Variants in KREMEN1 observed in about 807,000 individuals in gnomAD.
KREMEN1 encodes the protein kremen protein 1.
Under a neutral mutation model 46.5 loss-of-function variants are expected in KREMEN1, and 30 were observed. The ratio of observed to expected loss-of-function variants is 0.65; its 90% CI spans 0.48 to 0.88. KREMEN1 has a LOEUF of 0.88. Among genes scored for constraint, KREMEN1 ranks in the 40% least tolerant of loss-of-function variants. The probability of loss-of-function intolerance (pLI) is 0.00; values close to 1 mark genes in which losing one functional copy is unlikely to be tolerated. For missense variants in KREMEN1, 533 were observed against 596.9 expected (o/e 0.89, Z 1.11); for synonymous variants, 214 against 230.6 (o/e 0.93, Z 0.65).
At position 29,161,271 on chromosome 22, in the gene KREMEN1, G is replaced by A. The variant is rs545320716; in HGVS notation, c.1417-5773G>A. ...GCCTGTGATCCCAGCACTTTGGGGG[G>A]CCAAGGTGGGCAGATCATGAGGTCA... On this transcript the variant is annotated intron_variant, in intron 9 of 9. Transcript: ENST00000327813. Among the ~76,000 whole-genome samples the A allele has an allele frequency of 2.5e-4, 38 of 152,184 alleles. 2 individuals carry two copies. In the South Asian group the frequency reaches 7.3e-3, roughly 29 times the overall value.
In KREMEN1 at chr22:29,142,877, C is replaced by T. The variant is rs1480908817; in HGVS notation, c.*765C>T. 2.7e-5 allele frequency: 27 copies of T among 984,962 alleles called. No homozygotes were observed. Among genetic ancestry groups the T allele is most frequent in the South Asian group, 4.7e-5 (1 of 21,290 alleles). 61.0% of individuals were successfully genotyped at this position (984,962 alleles called of 1,614,324 possible). A position where few individuals can be genotyped will look rare whatever the true frequency, so the allele number is the denominator to read the frequency against. On this transcript the variant is annotated 3_prime_UTR_variant, in exon 9 of 9. Transcript: ENST00000400335. ...TATAAAACATCCATTCAGCTGGGCG[C>T]GATGGCTCATGCCTGTAATCCCAGC...
chr22:29,146,310 C>T lies in KREMEN1; in HGVS notation c.*4198C>T. The T allele has an allele frequency of 2.0e-6, 2 of 985,924 alleles. No individual in the cohort carries two copies. Among genetic ancestry groups the T allele is most frequent in the Non-Finnish European group, 2.4e-6 (2 of 830,002 alleles). 61.1% of individuals were successfully genotyped at this position (985,924 alleles called of 1,614,324 possible). On this transcript the variant is annotated 3_prime_UTR_variant, in exon 9 of 9. Coordinates refer to ENST00000400335, the MANE Select transcript of KREMEN1 (RefSeq NM_001039570.3). The stretch of plus-strand genomic sequence containing the variant: ...AAGCCTTCCAGCCACAGCTGTCTCC[C>T]CTCAGGCTGGACGGCTCCGGGGTGA...
At chr22:29,117,593 A>G (rs986058862) in intron 3 of KREMEN1, among the ~76,000 whole-genome samples, 1 of 151,778 alleles carries the variant, frequency 6.6e-6, no homozygotes, top group Non-Finnish European at 1.5e-5. Context: ...GCTATCTAAG[A>G]GTCTATATGC....
At chr22:29,161,815 T>C (rs1471098282) in intron 9 of KREMEN1, among the ~76,000 whole-genome samples, 1 of 151,894 alleles carries the variant, frequency 6.6e-6, no homozygotes, top group Non-Finnish European at 1.5e-5. Context: ...GCAAACTGAA[T>C]TCAACAGCAC....
At chr22:29,157,585 G>C (rs1417749232) in intron 9 of KREMEN1, among the ~76,000 whole-genome samples, 1 of 152,134 alleles carries the variant, frequency 6.6e-6, no homozygotes, top group African/African-American at 2.4e-5. Flanking sequence ...TGATCCACCT[G>C]CCTCGGCCTC....
Position 29,144,949 on chromosome 22 carries a change from C to T in KREMEN1, c.*2837C>T, listed in dbSNP as rs1372411002. ...TGCCTCGCCCTGGCATGGCCCAGCG[C>T]CTCTAGGATCAACTTACGATCCGTG... On this transcript the variant is annotated 3_prime_UTR_variant, in exon 9 of 9. Coordinates refer to ENST00000400335, the MANE Select transcript of KREMEN1 (RefSeq NM_001039570.3). The T allele has an allele frequency of 2.0e-6, 2 of 985,424 alleles. No homozygotes were observed. Among genetic ancestry groups the T allele is most frequent in the African/African-American group, 3.5e-5 (2 of 57,254 alleles). The allele number at this position is 985,424 out of a possible 1,614,324, so 61.0% of individuals were successfully genotyped here.
chr22:29,108,015 G>C (rs1190612910), intron 3 of KREMEN1, among the ~76,000 whole-genome samples: 1 of 152,220 alleles, frequency 6.6e-6, no homozygotes, highest in Non-Finnish European at 1.5e-5. Context: ...GCTGGGTGTG[G>C]TGGCTCATGC....
intron 8 of KREMEN1, among the ~76,000 whole-genome samples, chr22:29,140,974 G>C (rs946710111): frequency 6.6e-6 from 1 of 152,032 alleles, no homozygotes. Context: ...ATTTTTCCTA[G>C]ACCCCTACTC....
rs947280800 is a variant in KREMEN1, at chr22:29,144,640, A to T, written c.*2528A>T. ...TAAGTGTCAGGTGTGTGTCGTCCCA[A>T]CGGGTCCTGTGCTGTGAATAGATCC... On this transcript the variant is annotated 3_prime_UTR_variant, in exon 9 of 9. Coordinates refer to ENST00000400335, the MANE Select transcript of KREMEN1 (RefSeq NM_001039570.3). The T allele has an allele frequency of 1.0e-6, 1 of 985,382 alleles. No homozygotes were observed. Among genetic ancestry groups the T allele is most frequent in the African/African-American group, 1.7e-5 (1 of 57,256 alleles). The allele number at this position is 985,382 out of a possible 1,614,324, so 61.0% of individuals were successfully genotyped here.
chr22:29,163,766 A>AG (rs2039031599), intron 9 of KREMEN1, among the ~76,000 whole-genome samples: 1 of 152,154 alleles, frequency 6.6e-6, no homozygotes, highest in Non-Finnish European at 1.5e-5. Flanking sequence ...GGGACTACTA[A>AG]GGGGGGAAGG....
At chr22:29,154,119 CAG>C (rs1032162238) in intron 9 of KREMEN1, among the ~76,000 whole-genome samples, 2 of 152,160 alleles carry the variant, frequency 1.3e-5, no homozygotes, top group African/African-American at 4.8e-5. Flanking sequence ...TCAGTAAACT[CAG>C]GGGACCACCA....
At chr22:29,109,204 A>G (rs1405973240) in intron 3 of KREMEN1, among the ~76,000 whole-genome samples, 3 of 152,240 alleles carry the variant, frequency 2.0e-5, no homozygotes, top group Non-Finnish European at 4.4e-5. Flanking sequence ...CCAAATGGAT[A>G]TCAGTTCAGT....
chr22:29,122,677 T>C (rs1472941042), intron 4 of KREMEN1, among the ~76,000 whole-genome samples: 3 of 152,082 alleles, frequency 2.0e-5, no homozygotes, highest in Non-Finnish European at 4.4e-5. Context: ...CGGTGGCTCA[T>C]GCCTATAATC....
At chr22:29,125,666 T>A (rs949393934) in intron 5 of KREMEN1, among the ~76,000 whole-genome samples, 1 of 152,254 alleles carries the variant, frequency 6.6e-6, no homozygotes, top group Non-Finnish European at 1.5e-5. Context: ...CGTGGCCTAT[T>A]CTGTGATGCT....
Position 29,142,273 on chromosome 22 carries a change from G to A in KREMEN1, c.*161G>A. 2 of 1,329,606 alleles carry A rather than the reference G, an allele frequency of 1.5e-6. No homozygotes were observed. Among genetic ancestry groups the A allele is most frequent in the East Asian group, 2.9e-5 (1 of 33,902 alleles). 82.4% of individuals were successfully genotyped at this position (1,329,606 alleles called of 1,614,324 possible). A position where few individuals can be genotyped will look rare whatever the true frequency, so the allele number is the denominator to read the frequency against. On this transcript the variant is annotated 3_prime_UTR_variant, in exon 9 of 9. Coordinates refer to ENST00000400335, the MANE Select transcript of KREMEN1 (RefSeq NM_001039570.3). ...CCTACAGACTAGGAAGAGGCACCCT[G>A]CTGCCAGGGCAGGCAGAGCCTGGAT...
intron 2 of KREMEN1, among the ~76,000 whole-genome samples, chr22:29,098,653 C>T (rs1418129337): frequency 6.6e-6 from 1 of 152,172 alleles, no homozygotes; most frequent in Admixed American, 6.5e-5. Flanking sequence ...CACTTCCCCC[C>T]AAACTCTGAA....
chr22:29,110,639 T>G (rs1480541529), intron 3 of KREMEN1, among the ~76,000 whole-genome samples: 1 of 152,228 alleles, frequency 6.6e-6, no homozygotes, highest in African/African-American at 2.4e-5. Context: ...AAAGCTGTGC[T>G]TACTTATTTA....
chr22:29,074,082 A>C (rs1050868020), intron 1 of KREMEN1, among the ~76,000 whole-genome samples: 3 of 152,324 alleles, frequency 2.0e-5, no homozygotes, highest in Admixed American at 2.0e-4. Context: ...GCCGGCGCTC[A>C]GCCCCTTTTC....
At chr22:29,096,413 T>A (rs557009648) in intron 2 of KREMEN1, among the ~76,000 whole-genome samples, 40 of 152,200 alleles carry the variant, frequency 2.6e-4, no homozygotes, top group Admixed American at 2.1e-3. Flanking sequence ...ATGTGAAAAA[T>A]TTTTCTTTCT....
Sources: allele counts gnomAD v4.1 joint callset (sites outside exome capture counted in the v4.1 genomes callset), GRCh38; gene constraint gnomAD v4.1.1; transcripts MANE v1.5; gene names NCBI Gene and HGNC (gene_info 2026-07-23, HGNC 2026-07-21).